HHATL: variants seen among roughly 807,000 people sequenced by gnomAD.
HHATL encodes the protein protein-cysteine N-palmitoyltransferase HHAT-like protein.
In HHATL, 49 loss-of-function variants were observed where a neutral mutation model predicts 59.7. That is an observed-to-expected ratio of 0.82 (90% confidence interval 0.65 to 1.04). The LOEUF is 1.04. Among genes scored for constraint, HHATL ranks in the 50% least tolerant of loss-of-function variants. HHATL has a pLI of 0.00. For missense variants in HHATL, 605 were observed against 650.8 expected, an observed-to-expected ratio of 0.93 and a Z score of 0.77; for synonymous variants, 238 against 257.3, an observed-to-expected ratio of 0.93 and a Z score of 0.72.
chr3:42,699,047 C>T lies in HHATL; in HGVS notation c.273G>A (p.Thr91=), dbSNP rs1697800090. ...SGHVLFAKLC[T]MVAPKLRSWM... is the part of the protein sequence containing the mutation. ...TCCAGCTCACCTTTGGGGCAACCAT[C>T]GTGCAGAGTTTAGCAAACAGCACAT... Residue 91 remains threonine (T), a synonymous_variant, in exon 4 of 12, where the codon ACG becomes ACA. Coordinates refer to ENST00000441594, the MANE Select transcript of HHATL (RefSeq NM_020707.4). The T allele has an allele frequency of 1.2e-6, 2 of 1,614,142 alleles. No individual in the cohort carries two copies. Among genetic ancestry groups the T allele is most frequent in the Non-Finnish European group, 1.7e-6 (2 of 1,179,988 alleles).
At position 42,698,354 on chromosome 3, in the gene HHATL, G is replaced by A. The variant is rs774480376; in HGVS notation, c.484-3C>T. The A allele has an allele frequency of 2.7e-5, 43 of 1,608,942 alleles. No homozygotes were observed. In the South Asian group the frequency reaches 4.3e-4, roughly 16 times the overall value. On this transcript the variant is annotated splice_region_variant and splice_polypyrimidine_tract_variant and intron_variant, in intron 5 of 11. Transcript: ENST00000441594. ...AAAGTGCCTGTTACAAACCCGCTCT[G>A]GAGGGGGAAAGAACAGGCCACCAGC... is the stretch of plus-strand genomic sequence containing the variant.
Position 42,698,203 on chromosome 3 carries a change from T to A in HHATL, c.632A>T (p.Asn211Ile), listed in dbSNP as rs139982214. The A allele has an allele frequency of 1.2e-6, 2 of 1,614,114 alleles. No homozygotes were observed. The highest frequency in any genetic ancestry group is 1.7e-6 in the Non-Finnish European group (2 of 1,180,006). ...GAAGAAGAAGAAGGGCAGGTAGAAG[T>A]TGTACTTGAGCAGGTCAGCTAAGGA... ...HYSLADLLKY[N>I]FYLPFFFFGP... The change falls in exon 6 of 12, where the codon AAC becomes ATC. Residue 211 changes from asparagine to isoleucine, a missense_variant. Physicochemically the swap from Asn to Ile is moderately radical, Grantham distance 149. Transcript: ENST00000441594.
intron 7 of HHATL, 58 bp downstream of exon 7, chr3:42,697,450 A>G: frequency 6.4e-7 from 1 of 1,560,158 alleles, no homozygotes; most frequent in East Asian, 2.2e-5. Flanking sequence ...GTGGGGGTGC[A>G]GAGGGTCTGT....
At chr3:42,700,306 TG>T (rs995059917) in intron 2 of HHATL, among the ~76,000 whole-genome samples, 1 of 93,884 alleles carries the variant, frequency 1.1e-5, no homozygotes, top group African/African-American at 4.2e-5. Flanking sequence ...GTGTGTGTGT[TG>T]GGGGGTGTGT....
chr3:42,696,814 T>G, intron 9 of HHATL, 28 bp downstream of exon 9: 1 of 1,612,814 alleles, frequency 6.2e-7, no homozygotes, highest in South Asian at 1.1e-5. Context: ...AGGATGGCTG[T>G]GACCACCCCC....
chr3:42,696,699 G>A, intron 9 of HHATL, 143 bp downstream of exon 9: 1 of 857,882 alleles, frequency 1.2e-6, no homozygotes, highest in Non-Finnish European at 1.8e-6. Context: ...CTTTCACCCA[G>A]ACCTCTGCCA....
intron 11 of HHATL, 66 bp downstream of exon 11, chr3:42,693,011 T>C: frequency 6.2e-7 from 1 of 1,601,722 alleles, no homozygotes; most frequent in Non-Finnish European, 8.5e-7. Context: ...GGAGGCATTT[T>C]GGAAGGTCAC....
In HHATL at chr3:42,698,925, A is replaced by G. The variant is rs373868901; in HGVS notation, c.289-23T>C. 2.0e-5 allele frequency: 32 copies of G among 1,604,032 alleles called. No individual in the cohort carries two copies. In the African/African-American group the frequency reaches 4.1e-4, roughly 21 times the overall value. On this transcript the variant is annotated intron_variant, in intron 4 of 11. Coordinates refer to ENST00000441594, the MANE Select transcript of HHATL (RefSeq NM_020707.4). Reference sequence around the variant, plus strand: ...GAGCTGTGGGCAGGGAGAAGGCTTCAGTTTCGCCATATAAATGGGGGCGTG... The same window carrying G: ...GAGCTGTGGGCAGGGAGAAGGCTTCGGTTTCGCCATATAAATGGGGGCGTG...
rs202043526 is a variant in HHATL, at chr3:42,697,098, C to T, written c.913G>A (p.Val305Ile). ...NLVYDWVKAA[V>I]LFGVVNTVAC... Reference sequence around the variant, plus strand: ...ACAGTGTTGACAACACCAAAGAGGACGGCCGCCTTCACCCAGTCATACACC... The same window carrying T: ...ACAGTGTTGACAACACCAAAGAGGATGGCCGCCTTCACCCAGTCATACACC... Residue 305 changes from valine to isoleucine, a missense_variant, in exon 8 of 12, where the codon GTC (valine) becomes ATC (isoleucine). Transcript: ENST00000441594. 65 of 1,561,862 alleles carry T rather than the reference C, an allele frequency of 4.2e-5. No homozygotes were observed. The highest frequency in any genetic ancestry group is 9.2e-5 in the Admixed American group (5 of 54,540).
Position 42,697,724 on chromosome 3 carries a change from G to A in HHATL, c.694-45C>T, listed in dbSNP as rs144770268. The A allele has an allele frequency of 9.3e-4, 1,475 of 1,584,286 alleles. 20 individuals are homozygous for A. In the African/African-American group the frequency reaches 0.017, roughly 18 times the overall value. On this transcript the variant is annotated intron_variant, in intron 6 of 11. Transcript: ENST00000441594. ...CTGAGGGAAGAGGCAAGCCCTGCCT[G>A]GGGAGCCCTGTCTGAGGGGGGCTCA...
chr3:42,699,438 C>T (rs887246786), intron 3 of HHATL, among the ~76,000 whole-genome samples: 5 of 152,076 alleles, frequency 3.3e-5, no homozygotes, highest in Admixed American at 2.0e-4. Context: ...TGGGGGCTGC[C>T]GGGTCGCTTG....
chr3:42,698,284 A>G lies in HHATL; in HGVS notation c.551T>C (p.Val184Ala), dbSNP rs533680978. ...VLFHGGSSFT[V>A]LRCTSFALES... ...CAGTGCAAAGCTGGTGCAACGCAGC[A>G]CTGTGAAGCTGCTGCCCCCATGAAA... The change falls in exon 6 of 12, where the codon GTG (valine) becomes GCG (alanine). Residue 184 changes from valine (V) to alanine (A), a missense_variant. Transcript: ENST00000441594. 2 of 1,614,124 alleles carry G rather than the reference A, an allele frequency of 1.2e-6. No individual in the cohort carries two copies. The highest frequency in any genetic ancestry group is 1.3e-5 in the African/African-American group (1 of 75,058).
intron 11 of HHATL, 84 bp from the exon 12 acceptor site, chr3:42,692,959 A>G (rs1309886768): frequency 6.4e-7 from 1 of 1,571,110 alleles, no homozygotes; most frequent in Non-Finnish European, 8.7e-7. Context: ...TCCCCGCTTG[A>G]TGGGCCCTCC....
At position 42,701,167 on chromosome 3, in the gene HHATL, C is replaced by T. The variant is rs1012134584; in HGVS notation, c.-13-328G>A. On this transcript the variant is annotated intron_variant, in intron 1 of 11. Coordinates refer to ENST00000441594, the MANE Select transcript of HHATL (RefSeq NM_020707.4). The surrounding 1 kb of genome is among the most constrained non-coding windows in gnomAD (Gnocchi z 5.1). ...CACCGGCCCCACCCTCTGCCAAAAC[C>T]GCTCCTGCCAAGGCCCCCATGACCT... 20 of 286,852 alleles carry T rather than the reference C, an allele frequency of 7.0e-5. No homozygotes were observed. In the Admixed American group the frequency reaches 8.7e-4, roughly 12 times the overall value. 17.8% of individuals were successfully genotyped at this position (286,852 alleles called of 1,614,324 possible). A position where few individuals can be genotyped will look rare whatever the true frequency, so the allele number is the denominator to read the frequency against.
chr3:42,695,623 G>C (rs1402825154), intron 9 of HHATL, among the ~76,000 whole-genome samples: 1 of 152,094 alleles, frequency 6.6e-6, no homozygotes, highest in Admixed American at 6.5e-5. Flanking sequence ...GCTGGGTTGT[G>C]GGGGTAAGCA....
Position 42,692,688 on chromosome 3 carries a change from T to C in HHATL, c.*63A>G, listed in dbSNP as rs1697398448. 3 of 1,610,130 alleles carry C rather than the reference T, an allele frequency of 1.9e-6. No individual in the cohort carries two copies. The highest frequency in any genetic ancestry group is 1.7e-5 in the Admixed American group (1 of 59,550). On this transcript the variant is annotated 3_prime_UTR_variant, in exon 12 of 12. Transcript: ENST00000441594. ...TGTTGTAGAAAAGTCTTTTATTCTATCGGTCAGGCCCCATCTGGCCCAAGA... is the reference window on the plus strand; with the variant it reads ...TGTTGTAGAAAAGTCTTTTATTCTACCGGTCAGGCCCCATCTGGCCCAAGA...
rs1697724239 is a variant in HHATL, at chr3:42,698,135, C to A, written c.693+7G>T. On this transcript the variant is annotated splice_region_variant and intron_variant, in intron 6 of 11. Coordinates refer to ENST00000441594, the MANE Select transcript of HHATL (RefSeq NM_020707.4). ...CTGTTCTAGAAGCCCACAGGGTGTC[C>A]CCTCACCTGAGCATGGAAGCGATCA... is the stretch of plus-strand genomic sequence containing the variant. The A allele has an allele frequency of 1.2e-6, 2 of 1,613,566 alleles. No individual in the cohort carries two copies. The highest frequency in any genetic ancestry group is 1.3e-5 in the African/African-American group (1 of 74,990).
rs148556423 is a variant in HHATL at position 42,697,794 on chromosome 3, C to T, written c.694-115G>A. 4.3e-5 allele frequency: 49 copies of T among 1,127,462 alleles called. No individual in the cohort carries two copies. In the East Asian group the frequency reaches 1.3e-3, roughly 29 times the overall value. 69.8% of individuals were successfully genotyped at this position (1,127,462 alleles called of 1,614,324 possible). On this transcript the variant is annotated intron_variant, in intron 6 of 11. Transcript: ENST00000441594. ...GGAGCCATGGCTTTATCCAGGAGTCCTGCCTGAGGGTGGAGACAGAGGTCA... is the reference window on the plus strand; with the variant it reads ...GGAGCCATGGCTTTATCCAGGAGTCTTGCCTGAGGGTGGAGACAGAGGTCA...
At position 42,698,361 on chromosome 3, in the gene HHATL, G is replaced by T; in HGVS notation, c.484-10C>A. On this transcript the variant is annotated splice_polypyrimidine_tract_variant and intron_variant, in intron 5 of 11. Coordinates refer to ENST00000441594, the MANE Select transcript of HHATL (RefSeq NM_020707.4). ...CTGTTACAAACCCGCTCTGGAGGGG[G>T]AAAGAACAGGCCACCAGCTCACTAG... 6.2e-7 allele frequency: 1 copy of T among 1,607,062 alleles called. No individual in the cohort carries two copies. Among genetic ancestry groups the T allele is most frequent in the South Asian group, 1.1e-5 (1 of 90,822 alleles).
Sources: allele counts gnomAD v4.1 joint callset (sites outside exome capture counted in the v4.1 genomes callset), GRCh38; gene constraint gnomAD v4.1.1; non-coding constraint Gnocchi (gnomAD v3.1); transcripts MANE v1.5; gene names NCBI Gene and HGNC (gene_info 2026-07-23, HGNC 2026-07-21).